SORCS2: variants seen among roughly 807,000 people sequenced by gnomAD.
The protein encoded by SORCS2 is sortilin related VPS10 domain containing receptor 2, also known as VPS10 domain-containing receptor SorCS2.
Under a neutral mutation model 141.6 loss-of-function variants are expected in SORCS2, and 100 were observed. That is an observed-to-expected ratio of 0.71 (90% confidence interval 0.60 to 0.83). The LOEUF (loss-of-function observed/expected upper bound fraction) is 0.83. Ranked by LOEUF, SORCS2 falls within the 40% of genes least tolerant of loss-of-function variation. The probability of loss-of-function intolerance (pLI) is 0.00; values close to 1 mark genes in which losing one functional copy is unlikely to be tolerated. For synonymous variants in SORCS2, 789 were observed against 676.9 expected, an observed-to-expected ratio of 1.17 and a Z score of -2.57; for missense variants, 1,646 against 1,560.2, an observed-to-expected ratio of 1.05 and a Z score of -0.93.
At chr4:7,721,005 G>A (rs1201794372) in intron 18 of SORCS2, among the ~76,000 whole-genome samples, 2 of 152,218 alleles carry the variant, frequency 1.3e-5, no homozygotes, top group African/African-American at 4.8e-5. Context: ...TCAGAGTAAT[G>A]AAGACTTCTG....
At chr4:7,447,866 A>G (rs1728098468) in intron 2 of SORCS2, among the ~76,000 whole-genome samples, 2 of 152,168 alleles carry the variant, frequency 1.3e-5, no homozygotes, top group Admixed American at 1.3e-4. Flanking sequence ...TTACTGAGAG[A>G]AGTGAAACAC....
At chr4:7,695,596 G>A (rs866594252) in intron 11 of SORCS2, among the ~76,000 whole-genome samples, 19 of 14,252 alleles carry the variant, frequency 1.3e-3, no homozygotes, top group Non-Finnish European at 1.7e-3. Context: ...TGGTGGGTGG[G>A]TGGGTGGATG....
At chr4:7,252,379 G>A (rs1324226802) in intron 1 of SORCS2, among the ~76,000 whole-genome samples, 1 of 152,192 alleles carries the variant, frequency 6.6e-6, no homozygotes, top group Admixed American at 6.5e-5. Flanking sequence ...CTCAGGGGCC[G>A]GCAGTGCATG....
chr4:7,317,104 C>T (rs148994275), intron 1 of SORCS2, among the ~76,000 whole-genome samples: 9 of 152,296 alleles, frequency 5.9e-5, no homozygotes, highest in Middle Eastern at 6.8e-3. Flanking sequence ...TGTCCAGAAG[C>T]GTCAATGTGT....
At chr4:7,606,377 G>A (rs975715929) in intron 3 of SORCS2, among the ~76,000 whole-genome samples, 6 of 152,114 alleles carry the variant, frequency 3.9e-5, no homozygotes, top group African/African-American at 1.2e-4. Flanking sequence ...CTCTGTGGCC[G>A]TCAGACTCCA....
intron 1 of SORCS2, among the ~76,000 whole-genome samples, chr4:7,370,109 G>A (rs957201439): frequency 1.3e-5 from 2 of 152,234 alleles, no homozygotes; most frequent in African/African-American, 4.8e-5. Context: ...CTCCTGGGTG[G>A]GGTGTGTGCA....
rs546062962 is a variant in SORCS2, at chr4:7,726,917, G to A, written c.2869+14G>A. Reference sequence around the variant, plus strand: ...TCCGTGTGCTGGGTAAGTACTTCCTGGGGTCTGGCAGCACGGCCTCTGCAT... The same window carrying A: ...TCCGTGTGCTGGGTAAGTACTTCCTAGGGTCTGGCAGCACGGCCTCTGCAT... On this transcript the variant is annotated intron_variant, in intron 21 of 26. Transcript: ENST00000507866. 23 of 1,609,222 alleles carry A rather than the reference G, an allele frequency of 1.4e-5. No individual in the cohort carries two copies. In the South Asian group the frequency reaches 2.5e-4, roughly 18 times the overall value.
At chr4:7,332,962 CA>C (rs199962953) in intron 1 of SORCS2, among the ~76,000 whole-genome samples, 25,044 of 152,198 alleles carry the variant, frequency 0.16, 2,606 homozygotes, top group East Asian at 0.42. Context: ...CATATTTACC[CA>C]GCGGAGTTTT....
rs530563795 is a variant in SORCS2, at chr4:7,272,225, G to C, written c.480+79099G>C. ...GCTGCGGCAAGTTTCTCCAGGCTAG[G>C]AGAGGTAGCATCACAACAATAAAGA... On this transcript the variant is annotated intron_variant, in intron 1 of 26. Coordinates refer to ENST00000507866, the MANE Select transcript of SORCS2 (RefSeq NM_020777.3). Among the ~76,000 whole-genome samples, 5 of 152,338 alleles carry C rather than the reference G, an allele frequency of 3.3e-5. No individual in the cohort carries two copies. The South Asian group carries it at 1.0e-3, about 32-fold the overall frequency.
intron 1 of SORCS2, among the ~76,000 whole-genome samples, chr4:7,259,347 T>G (rs981717976): frequency 6.6e-6 from 1 of 152,194 alleles, no homozygotes; most frequent in South Asian, 2.1e-4. Context: ...GAACCCAGGT[T>G]GTGGGACTCA....
chr4:7,271,906 G>A (rs1054602123), intron 1 of SORCS2, among the ~76,000 whole-genome samples: 1 of 152,262 alleles, frequency 6.6e-6, no homozygotes, highest in Non-Finnish European at 1.5e-5. Context: ...TCCCAGGTGG[G>A]CGATGGGCTC....
intron 4 of SORCS2, among the ~76,000 whole-genome samples, chr4:7,639,369 G>C (rs1387850001): frequency 6.6e-6 from 1 of 152,092 alleles, no homozygotes; most frequent in Non-Finnish European, 1.5e-5. Context: ...GCACCTTCAG[G>C]CTTCAAATCT....
chr4:7,256,949 A>G, intron 1 of SORCS2, among the ~76,000 whole-genome samples: 1 of 152,130 alleles, frequency 6.6e-6, no homozygotes, highest in Non-Finnish European at 1.5e-5. Flanking sequence ...CTTTGGATGT[A>G]GGTGTCATCG....
chr4:7,540,804 G>C (rs1210416672), intron 3 of SORCS2, among the ~76,000 whole-genome samples: 1 of 152,242 alleles, frequency 6.6e-6, no homozygotes, highest in Non-Finnish European at 1.5e-5. Context: ...CGGGTGTGAA[G>C]TGGGGATGAA....
At chr4:7,560,204 G>A (rs1714436286) in intron 3 of SORCS2, among the ~76,000 whole-genome samples, 1 of 152,170 alleles carries the variant, frequency 6.6e-6, no homozygotes, top group South Asian at 2.1e-4. Context: ...TCCTATCCGA[G>A]GTGGCTGGGG....
chr4:7,400,227 G>C (rs1466858075), intron 2 of SORCS2, among the ~76,000 whole-genome samples: 4 of 149,640 alleles, frequency 2.7e-5, no homozygotes, highest in African/African-American at 7.4e-5. Flanking sequence ...GTAGCCTCTT[G>C]GCTGACCCTG....
chr4:7,541,682 C>T lies in SORCS2; in HGVS notation c.648+10053C>T, dbSNP rs1349358702. 2.0e-5 allele frequency among the ~76,000 whole-genome samples: 3 copies of T among 152,322 alleles called. No individual in the cohort carries two copies. In the East Asian group the frequency reaches 5.8e-4, roughly 29 times the overall value. ...TCTGCGGACATGGCTGAAAGACCAC[C>T]TTTTAAGCATCATGTTGCAGACCAG... On this transcript the variant is annotated intron_variant, in intron 3 of 26. Transcript: ENST00000507866.
At chr4:7,309,089 G>A (rs1041307544) in intron 1 of SORCS2, among the ~76,000 whole-genome samples, 13 of 152,322 alleles carry the variant, frequency 8.5e-5, no homozygotes, top group African/African-American at 2.2e-4. Context: ...AGCACCAGGC[G>A]GGCTGGGAGC....
chr4:7,512,546 T>G (rs1732729922), intron 2 of SORCS2, among the ~76,000 whole-genome samples: 1 of 152,078 alleles, frequency 6.6e-6, no homozygotes, highest in Non-Finnish European at 1.5e-5. Flanking sequence ...GTCTACAGCA[T>G]AGATCCTCCG....
Sources: allele counts gnomAD v4.1 joint callset (sites outside exome capture counted in the v4.1 genomes callset), GRCh38; gene constraint gnomAD v4.1.1; transcripts MANE v1.5; gene names NCBI Gene and HGNC (gene_info 2026-07-23, HGNC 2026-07-21).